Variants in MYH14 observed in about 807,000 individuals in gnomAD.
MYH14 encodes myosin heavy chain 14.
Under a neutral mutation model 255.5 loss-of-function variants are expected in MYH14, and 123 were observed. The observed-to-expected ratio is 0.48, with a 90% CI of 0.42 to 0.56. The LOEUF (loss-of-function observed/expected upper bound fraction) is 0.56. Ranked by LOEUF, MYH14 falls within the 20% of genes least tolerant of loss-of-function variation. MYH14 has a pLI of 0.00. For missense variants in MYH14, 2,423 were observed against 2,802.3 expected (o/e 0.86, Z 3.06); for synonymous variants, 1,095 against 1,161.2 (o/e 0.94, Z 1.16).
In MYH14 at chr19:50,250,694, G is replaced by T. The variant is rs1455176524; in HGVS notation, c.1830+6G>T. On this transcript the variant is annotated splice_donor_region_variant and intron_variant, in intron 15 of 42. Coordinates refer to ENST00000642316, the MANE Select transcript of MYH14 (RefSeq NM_001145809.2). The surrounding 1 kb of genome is among the most constrained non-coding windows in gnomAD (Gnocchi z 5.4). Reference sequence around the variant, plus strand: ...TTCTCCACTACGCGGGCAAGGTAGGGGCTGGGGCCGGCCTTGGGGCATGTG... The same window carrying T: ...TTCTCCACTACGCGGGCAAGGTAGGTGCTGGGGCCGGCCTTGGGGCATGTG... 2 of 1,607,384 alleles carry T rather than the reference G, an allele frequency of 1.2e-6. No individual in the cohort carries two copies. The highest frequency in any genetic ancestry group is 1.1e-5 in the South Asian group (1 of 90,726).
Position 50,207,271 on chromosome 19 carries a change from C to CAGAGAGAGAGAGAGAGAGAGAG in MYH14, c.-3-3070_-3-3049dup, listed in dbSNP as rs764396652. ...AGAGAGAGAGAAAGAGAGAGAGAGA[C>CAGAGAGAGAGAGAGAGAGAGAG]AGAGAGAGAGAGAGAGAGAGAGAGA... On this transcript the variant is annotated intron_variant, in intron 1 of 42. Coordinates refer to ENST00000642316, the MANE Select transcript of MYH14 (RefSeq NM_001145809.2). 2.2e-3 allele frequency among the ~76,000 whole-genome samples: 170 copies of CAGAGAGAGAGAGAGAGAGAGAG among 76,822 alleles called. 28 individuals are homozygous for CAGAGAGAGAGAGAGAGAGAGAG. Among genetic ancestry groups the CAGAGAGAGAGAGAGAGAGAGAG allele is most frequent in the Middle Eastern group, 0.024 (2 of 84 alleles). 50.4% of individuals were successfully genotyped at this position (76,822 alleles called of 152,430 possible).
In MYH14 at chr19:50,210,346, T is replaced by G. The variant is rs2032106012; in HGVS notation, c.-3-17T>G. On this transcript the variant is annotated splice_polypyrimidine_tract_variant and intron_variant, in intron 1 of 42. Coordinates refer to ENST00000642316, the MANE Select transcript of MYH14 (RefSeq NM_001145809.2). ...GGAGCCCCATCTGACCCCCACCCTC[T>G]TTCTTTGCCCCTGCAGACCATGGCA... 6.3e-7 allele frequency: 1 copy of G among 1,574,904 alleles called. No homozygotes were observed. The highest frequency in any genetic ancestry group is 1.2e-5 in the South Asian group (1 of 86,442).
chr19:50,277,217 G>A (rs2035542363), intron 29 of MYH14, among the ~76,000 whole-genome samples: 1 of 152,128 alleles, frequency 6.6e-6, no homozygotes, highest in Non-Finnish European at 1.5e-5. Context: ...AGTGCTATGG[G>A]GCCATAATGA....
Position 50,210,381 on chromosome 19 carries a change from A to G in MYH14, c.16A>G (p.Met6Val), listed in dbSNP as rs754715242. Residue 6 changes from methionine to valine, a missense_variant, in exon 2 of 43, where the codon ATG becomes GTG. This residue lies in a region of MYH14 where 238 missense variants were observed against 245.8 expected (regional missense o/e 0.97). Transcript: ENST00000642316. MAAVTMSVPGRKAPPR... is the reference protein window; with the variant it reads MAAVTVSVPGRKAPPR... ...CCTGCAGACCATGGCAGCCGTGACC[A>G]TGTCGGTGCCCGGGCGGAAGGCGCC... 1.2e-5 allele frequency: 19 copies of G among 1,587,082 alleles called. No homozygotes were observed. The South Asian group carries it at 1.9e-4, about 16-fold the overall frequency.
At position 50,293,470 on chromosome 19, in the gene MYH14, G is replaced by A; in HGVS notation, c.5346-94G>A. On this transcript the variant is annotated intron_variant, in intron 38 of 42. Transcript: ENST00000642316. The surrounding 1 kb of genome is among the most constrained non-coding windows in gnomAD (Gnocchi z 4.1). ...CCCTGGGGTGTGAGGCTGGGGAGAT[G>A]CGTGGGGCTAACCACAGGGTCCTGT... is the stretch of plus-strand genomic sequence containing the variant. The A allele has an allele frequency of 1.9e-6, 3 of 1,561,342 alleles. No homozygotes were observed. In the Admixed American group the frequency reaches 5.7e-5, roughly 30 times the overall value.
Position 50,259,093 on chromosome 19 carries a change from C to T in MYH14, c.2233-51C>T, listed in dbSNP as rs1010572654. The T allele has an allele frequency of 5.2e-6, 8 of 1,524,666 alleles. No individual in the cohort carries two copies. In the South Asian group the frequency reaches 8.6e-5, roughly 16 times the overall value. 94.4% of individuals were successfully genotyped at this position (1,524,666 alleles called of 1,614,324 possible). On this transcript the variant is annotated intron_variant, in intron 18 of 42. Coordinates refer to ENST00000642316, the MANE Select transcript of MYH14 (RefSeq NM_001145809.2). ...GAAATTGCCAAGCTTGACCGTTTGG[C>T]GCCCCCGTGTGGCCGCCGCTGACCC...
chr19:50,218,656 G>T (rs2032630485), intron 3 of MYH14, among the ~76,000 whole-genome samples: 1 of 151,924 alleles, frequency 6.6e-6, no homozygotes, highest in South Asian at 2.1e-4. Flanking sequence ...GCGGGGTTTG[G>T]TTGCATGGAA....
At position 50,301,361 on chromosome 19, in the gene MYH14, C is replaced by G. The variant is rs550796171; in HGVS notation, c.5470-300C>G. 2.1e-3 allele frequency among the ~76,000 whole-genome samples: 325 copies of G among 152,284 alleles called. 1 individual carries two copies. Among genetic ancestry groups the G allele is most frequent in the African/African-American group, 7.0e-3 (292 of 41,556 alleles). ...ATAACCCTTAGAATGGACTCATTCA[C>G]AGTCAGAAGTAGAATTTATGACATT... On this transcript the variant is annotated intron_variant, in intron 39 of 42. Transcript: ENST00000642316.
chr19:50,218,212 T>G (rs895262062), intron 3 of MYH14, among the ~76,000 whole-genome samples: 1 of 151,958 alleles, frequency 6.6e-6, no homozygotes, highest in Non-Finnish European at 1.5e-5. Flanking sequence ...ACTCCTGACC[T>G]CAAGTGATCT....
At chr19:50,285,542 C>T (rs2035864442) in intron 33 of MYH14, 1 of 152,066 alleles carries the variant, frequency 6.6e-6, no homozygotes. Context: ...TATATAGAAA[C>T]AATAGATTTT....
intron 35 of MYH14, 102 bp from the exon 36 acceptor site, chr19:50,290,785 C>T: frequency 1.6e-6 from 2 of 1,260,284 alleles, no homozygotes; most frequent in South Asian, 1.4e-5. Context: ...GCGGGGCTTG[C>T]AGCCTGGGCA....
intron 40 of MYH14, among the ~76,000 whole-genome samples, chr19:50,306,501 C>T (rs1169028698): frequency 6.6e-6 from 1 of 152,078 alleles, no homozygotes; most frequent in East Asian, 1.9e-4. Flanking sequence ...GTGTTCCCTC[C>T]CGCTCTGAAG....
chr19:50,278,532 C>T (rs890710943), intron 30 of MYH14, among the ~76,000 whole-genome samples: 4 of 146,356 alleles, frequency 2.7e-5, no homozygotes, highest in Admixed American at 2.7e-4. Flanking sequence ...GAGACCCCAT[C>T]TTCAGAAAAA....
At chr19:50,217,554 C>T (rs2032546751) in intron 2 of MYH14, 61 bp from the exon 3 acceptor site, 1 of 1,605,026 alleles carries the variant, frequency 6.2e-7, no homozygotes, top group Non-Finnish European at 8.5e-7. Flanking sequence ...TCAGCAGCCC[C>T]ATGACGCCTT....
intron 8 of MYH14, among the ~76,000 whole-genome samples, chr19:50,229,074 C>G (rs940567425): frequency 1.3e-5 from 2 of 152,166 alleles, no homozygotes; most frequent in Non-Finnish European, 2.9e-5. Context: ...CTATCACCCC[C>G]GCTTCACAGA....
At chr19:50,209,600 C>T (rs545325617) in intron 1 of MYH14, among the ~76,000 whole-genome samples, 47 of 151,540 alleles carry the variant, frequency 3.1e-4, no homozygotes, top group African/African-American at 1.1e-3. Context: ...CTGGATAACA[C>T]AGTGAAACGC....
chr19:50,246,301 G>A (rs972994037), intron 11 of MYH14, among the ~76,000 whole-genome samples: 6 of 151,726 alleles, frequency 4.0e-5, no homozygotes, highest in African/African-American at 7.3e-5. Context: ...CCACCATGTC[G>A]GGCTAATTTT....
intron 10 of MYH14, among the ~76,000 whole-genome samples, chr19:50,235,354 C>CAAAAA (rs34278236): frequency 8.1e-6 from 1 of 123,032 alleles, no homozygotes; most frequent in Admixed American, 8.4e-5. Flanking sequence ...AGACTCCATC[C>CAAAAA]AAAAAAAAAA....
At chr19:50,210,796 C>T (rs776316244) in intron 2 of MYH14, 26 bp downstream of exon 2, 48 of 1,537,254 alleles carry the variant, frequency 3.1e-5, no homozygotes, top group African/African-American at 2.8e-5. Context: ...CTGGGGGGCG[C>T]GTGCGGCGGA....
Sources: allele counts gnomAD v4.1 joint callset (sites outside exome capture counted in the v4.1 genomes callset), GRCh38; gene constraint gnomAD v4.1.1; regional missense constraint gnomAD v4.1.1; non-coding constraint Gnocchi (gnomAD v3.1); transcripts MANE v1.5; gene names NCBI Gene and HGNC (gene_info 2026-07-23, HGNC 2026-07-21).